PKD1: variants seen among roughly 807,000 people sequenced by gnomAD.
PKD1 encodes polycystin-1.
Under a neutral mutation model 361.7 loss-of-function variants are expected in PKD1, and 81 were observed. The observed-to-expected ratio is 0.22, with a 90% confidence interval of 0.19 to 0.27. PKD1 has a LOEUF of 0.27. Ranked by LOEUF, PKD1 falls within the 10% of genes least tolerant of loss-of-function variation. PKD1 has a pLI of 1.00. For missense variants in PKD1, 6,399 were observed against 6,118.3 expected, an observed-to-expected ratio of 1.05 and a Z score of -1.53; for synonymous variants, 3,615 against 2,818.3, an observed-to-expected ratio of 1.28 and a Z score of -8.95.
At chr16:2,113,409 A>T (rs913237588) in intron 11 of PKD1, 117 bp from the exon 12 acceptor site, 4 of 1,095,924 alleles carry the variant, frequency 3.6e-6, no homozygotes, top group Non-Finnish European at 5.4e-6. Context: ...AGAGGAGAGG[A>T]GGTGCCCGGG....
Position 2,109,035 on chromosome 16 carries a change from G to A in PKD1, c.6132C>T (p.Asn2044=), listed in dbSNP as rs759645536. 37 of 1,608,588 alleles carry A rather than the reference G, an allele frequency of 2.3e-5. No individual in the cohort carries two copies. Among genetic ancestry groups the A allele is most frequent in the Middle Eastern group, 1.9e-4 (1 of 5,374 alleles). The stretch of plus-strand genomic sequence containing the variant: ...GCGTGCGGTTCTCACTGCCCAGGGC[G>A]TTGAAGGCGCGCACCTGGATCTCCA... ...GLLEIQVRAF[N]ALGSENRTLV... is the part of the protein sequence containing the mutation. The change falls in exon 15 of 46, where the codon AAC becomes AAT. Residue 2044 remains asparagine, a synonymous_variant. Coordinates refer to ENST00000262304, the MANE Select transcript of PKD1 (RefSeq NM_001009944.3).
Position 2,112,325 on chromosome 16 carries a change from C to A in PKD1, c.3295+15G>T. ...GCCTGAAAGGCAGTGGCCCCCTCAC[C>A]CCCTCATCCCTCACCTGGGGCAGCG... On this transcript the variant is annotated intron_variant, in intron 14 of 45. Transcript: ENST00000262304. 6.3e-7 allele frequency: 1 copy of A among 1,583,876 alleles called. No individual in the cohort carries two copies. The highest frequency in any genetic ancestry group is 8.5e-7 in the Non-Finnish European group (1 of 1,171,868).
chr16:2,129,208 G>A (rs1401956449), intron 1 of PKD1, among the ~76,000 whole-genome samples: 1 of 147,762 alleles, frequency 6.8e-6, no homozygotes, highest in Non-Finnish European at 1.5e-5. Context: ...CGCCCAGGCT[G>A]GAGTGCAGTG....
Position 2,091,495 on chromosome 16 carries a change from C to A in PKD1, c.11640G>T (p.Leu3880=). ...CAAAGGGGCGGACGCTGAGGGCGGC[C>A]AGGGCGCGGCCGGCCGCCGGGAACT... ...RLEFPAAGRA[L]AALSVRPFAL... Residue 3880 remains leucine, a synonymous_variant, in exon 42 of 46, where the codon CTG becomes CTT. Transcript: ENST00000262304. 7.1e-7 allele frequency: 1 copy of A among 1,404,384 alleles called. No individual in the cohort carries two copies. The highest frequency in any genetic ancestry group is 3.1e-5 in the East Asian group (1 of 31,752). 87.0% of individuals were successfully genotyped at this position (1,404,384 alleles called of 1,614,324 possible).
intron 22 of PKD1, 142 bp from the exon 23 acceptor site, chr16:2,104,037 G>T: frequency 2.4e-6 from 1 of 417,268 alleles, no homozygotes; most frequent in South Asian, 2.2e-5. Flanking sequence ...CAGAAGGAAG[G>T]GGGAAGCTGG....
chr16:2,096,355 G>A lies in PKD1; in HGVS notation c.10499+793C>T, dbSNP rs528075200. ...GCCGTGTGGACCTCAGCACACCTGAGCATAGGAGGGCATGGCAGAGCCCGG... is the reference window on the plus strand; with the variant it reads ...GCCGTGTGGACCTCAGCACACCTGAACATAGGAGGGCATGGCAGAGCCCGG... On this transcript the variant is annotated intron_variant, in intron 34 of 45. Coordinates refer to ENST00000262304, the MANE Select transcript of PKD1 (RefSeq NM_001009944.3). Among the ~76,000 whole-genome samples, 5 of 152,378 alleles carry A rather than the reference G, an allele frequency of 3.3e-5. No individual in the cohort carries two copies. The East Asian group carries it at 9.6e-4, about 29-fold the overall frequency.
chr16:2,115,913 C>G, intron 9 of PKD1, 79 bp downstream of exon 9: 2 of 1,475,246 alleles, frequency 1.4e-6, no homozygotes, highest in Non-Finnish European at 1.9e-6. Context: ...GCCACAGGAC[C>G]AGCAGACGTG....
Position 2,098,077 on chromosome 16 carries a change from C to T in PKD1, c.10051-93G>A, listed in dbSNP as rs572693340. ...CCTCCTCAGCAGACAGGACAGAGCC[C>T]GGTGCCATCTGACAGAATGTCCTAG... On this transcript the variant is annotated intron_variant, in intron 30 of 45. Coordinates refer to ENST00000262304, the MANE Select transcript of PKD1 (RefSeq NM_001009944.3). 1.0e-4 allele frequency: 71 copies of T among 704,922 alleles called. No homozygotes were observed. The Middle Eastern group carries it at 1.1e-3, about 11-fold the overall frequency. The allele number at this position is 704,922 out of a possible 1,614,324, so 43.7% of individuals were successfully genotyped here. A position where few individuals can be genotyped will look rare whatever the true frequency, so the allele number is the denominator to read the frequency against.
At chr16:2,130,140 C>A (rs1203934253) in intron 1 of PKD1, among the ~76,000 whole-genome samples, 2 of 152,214 alleles carry the variant, frequency 1.3e-5, no homozygotes, top group African/African-American at 2.4e-5. Flanking sequence ...AAGAAACTAC[C>A]GTTTCTCACG....
Position 2,111,279 on chromosome 16 carries a change from C to T in PKD1, c.3888G>A (p.Val1296=), listed in dbSNP as rs2092496742. ...SLHVLVFVLE[V]LRVEPAACIP... The stretch of plus-strand genomic sequence containing the variant: ...TGCAGGCGGCGGGTTCAACGCGCAG[C>T]ACCTCCAGGACGAAGACCAGCACGT... Residue 1296 remains valine (V), a synonymous_variant, in exon 15 of 46, where the codon GTG becomes GTA. Coordinates refer to ENST00000262304, the MANE Select transcript of PKD1 (RefSeq NM_001009944.3). 1.9e-6 allele frequency: 3 copies of T among 1,609,566 alleles called. No individual in the cohort carries two copies. The highest frequency in any genetic ancestry group is 2.5e-6 in the Non-Finnish European group (3 of 1,179,486).
chr16:2,125,211 A>G (rs2092780469), intron 1 of PKD1, among the ~76,000 whole-genome samples: 1 of 152,196 alleles, frequency 6.6e-6, no homozygotes, highest in Non-Finnish European at 1.5e-5. Flanking sequence ...CTCATTTGAA[A>G]AAAAACAGTG....
rs1300272809 is a variant in PKD1, at chr16:2,135,499, C to G, written c.191G>C (p.Arg64Pro). The part of the protein sequence containing the change: ...RGLRTLGPAL[R>P]IPADATALDV... Reference sequence around the variant, plus strand: ...CAGCGCTGTGGCGTCCGCGGGGATGCGCAGCGCGGGACCGAGCGTCCGCAG... The same window carrying G: ...CAGCGCTGTGGCGTCCGCGGGGATGGGCAGCGCGGGACCGAGCGTCCGCAG... The change falls in exon 1 of 46, where the codon CGC (arginine) becomes CCC (proline). Residue 64 changes from arginine to proline, a missense_variant. Transcript: ENST00000262304. 1.5e-5 allele frequency: 18 copies of G among 1,166,044 alleles called. No individual in the cohort carries two copies. In the East Asian group the frequency reaches 6.8e-4, roughly 44 times the overall value. 72.2% of individuals were successfully genotyped at this position (1,166,044 alleles called of 1,614,324 possible). A position where few individuals can be genotyped will look rare whatever the true frequency, so the allele number is the denominator to read the frequency against.
chr16:2,115,256 G>A, intron 10 of PKD1, 122 bp downstream of exon 10: 1 of 1,121,954 alleles, frequency 8.9e-7, no homozygotes, highest in Non-Finnish European at 1.3e-6. Context: ...GTCAGAGGTG[G>A]CAAGGACGTG....
chr16:2,091,560 G>T lies in PKD1; in HGVS notation c.11575C>A (p.Pro3859Thr). The T allele has an allele frequency of 6.5e-7, 1 of 1,542,218 alleles. No individual in the cohort carries two copies. The highest frequency in any genetic ancestry group is 8.7e-7 in the Non-Finnish European group (1 of 1,155,000). The change falls in exon 42 of 46, where the codon CCG becomes ACG. Residue 3859 changes from proline (P) to threonine (T), a missense_variant. Physicochemically the swap from Pro to Thr is conservative, Grantham distance 38. Coordinates refer to ENST00000262304, the MANE Select transcript of PKD1 (RefSeq NM_001009944.3). ...ACGGCGGCGTGCAGCCCCACGGCCGGGCTGTAGCGCGTGAGCTCCAGGAAC... is the reference window on the plus strand; with the variant it reads ...ACGGCGGCGTGCAGCCCCACGGCCGTGCTGTAGCGCGTGAGCTCCAGGAAC... ...AVFLELTRYS[P>T]AVGLHAAVTL...
intron 1 of PKD1, among the ~76,000 whole-genome samples, chr16:2,129,541 ATTTTTTTT>A (rs71148122): frequency 7.9e-4 from 57 of 72,090 alleles, no homozygotes; most frequent in Admixed American, 1.9e-3. Context: ...AGATCCTGTG[ATTTTTTTT>A]TTTTTTTTTT....
At position 2,092,199 on chromosome 16, in the gene PKD1, C is replaced by A. The variant is rs747412495; in HGVS notation, c.11270-11G>T. The A allele has an allele frequency of 3.2e-6, 5 of 1,585,740 alleles. No homozygotes were observed. The highest frequency in any genetic ancestry group is 1.8e-5 in the Admixed American group (1 of 55,720). On this transcript the variant is annotated splice_polypyrimidine_tract_variant and intron_variant, in intron 39 of 45. Coordinates refer to ENST00000262304, the MANE Select transcript of PKD1 (RefSeq NM_001009944.3). The stretch of plus-strand genomic sequence containing the variant: ...GGTCTGGGTAGAGTGCTGAAACACA[C>A]AGAGCCCCAGGCCGGGGCCAGGGCC...
intron 10 of PKD1, chr16:2,115,133 C>T: frequency 1.1e-6 from 1 of 937,772 alleles, no homozygotes; most frequent in Non-Finnish European, 1.3e-6. Flanking sequence ...ACCTGGCAGA[C>T]AGGAAGGAGC....
chr16:2,105,788 G>A, intron 20 of PKD1, 77 bp downstream of exon 20: 8 of 1,481,224 alleles, frequency 5.4e-6, no homozygotes, highest in East Asian at 2.3e-5. Context: ...CCTCTGCAAA[G>A]CTCCAGGCAG....
Position 2,093,032 on chromosome 16 carries a change from G to A in PKD1, c.11078C>T (p.Ser3693Leu), listed in dbSNP as rs745912756. 11 of 1,612,778 alleles carry A rather than the reference G, an allele frequency of 6.8e-6. No individual in the cohort carries two copies. The highest frequency in any genetic ancestry group is 2.2e-5 in the East Asian group (1 of 44,890). Residue 3693 changes from serine to leucine, a missense_variant, in exon 38 of 46, where the codon TCA (serine) becomes TTA (leucine). Coordinates refer to ENST00000262304, the MANE Select transcript of PKD1 (RefSeq NM_001009944.3). ...CAGACGGTAGGCGTGCCCATGGCAT[G>A]AGGCATCCCCATAGCTGGCCAGCAG... ...VTLLASYGDA[S>L]CHGHAYRLQS...
Sources: gnomAD v4.1 joint callset for allele counts (sites outside exome capture counted in the v4.1 genomes callset) on GRCh38, gnomAD v4.1.1 for gene constraint, MANE v1.5 for transcripts, NCBI Gene and HGNC (gene_info 2026-07-23, HGNC 2026-07-21) for gene names.